Variants in ADK observed in about 807,000 individuals in gnomAD.
ADK encodes adenosine kinase, also known as N6,N6-dimethyladenosine kinase.
ADK carries 24 observed loss-of-function variants against 44.7 expected under a neutral mutation model. The observed-to-expected ratio is 0.54, with a 90% CI of 0.39 to 0.76. ADK has a LOEUF of 0.76. Ranked by LOEUF, ADK falls within the 30% of genes least tolerant of loss-of-function variation. The probability of loss-of-function intolerance (pLI) is 0.00; values close to 1 mark genes in which losing one functional copy is unlikely to be tolerated. For synonymous variants in ADK, 128 were observed against 142.6 expected (o/e 0.90, Z 0.73); for missense variants, 321 against 425.1 (o/e 0.76, Z 2.15).
intron 9 of ADK, among the ~76,000 whole-genome samples, chr10:74,619,596 T>C (rs1852908877): frequency 6.6e-6 from 1 of 152,198 alleles, no homozygotes; most frequent in Non-Finnish European, 1.5e-5. Context: ...ATATTAATCA[T>C]AGTAGTAATA....
chr10:74,443,624 A>G (rs979373304), intron 6 of ADK, among the ~76,000 whole-genome samples: 2 of 152,150 alleles, frequency 1.3e-5, no homozygotes, highest in Admixed American at 6.5e-5. Flanking sequence ...GACTGTGGTG[A>G]TGGTTACACA....
Position 74,658,885 on chromosome 10 carries a change from C to T in ADK, c.878-11298C>T, listed in dbSNP as rs533897975. ...AAACCTCGTTAATTCATTATACACA[C>T]ACACACACACACATATATACACGTG... is the stretch of plus-strand genomic sequence containing the variant. On this transcript the variant is annotated intron_variant, in intron 9 of 10. Coordinates refer to ENST00000539909, the MANE Select transcript of ADK (RefSeq NM_006721.4). 5.3e-5 allele frequency among the ~76,000 whole-genome samples: 8 copies of T among 152,152 alleles called. No homozygotes were observed. The South Asian group carries it at 1.7e-3, about 32-fold the overall frequency.
At chr10:74,512,978 A>G (rs1848406134) in intron 6 of ADK, among the ~76,000 whole-genome samples, 1 of 151,988 alleles carries the variant, frequency 6.6e-6, no homozygotes, top group Non-Finnish European at 1.5e-5. Flanking sequence ...CTTTGTGTCA[A>G]AGAATTTTTA....
chr10:74,300,084 A>G (rs1592008631), intron 3 of ADK, among the ~76,000 whole-genome samples: 2 of 144,250 alleles, frequency 1.4e-5, no homozygotes, highest in Non-Finnish European at 1.5e-5. Flanking sequence ...GGATCTTGCT[A>G]TGTTCTCCAG....
At chr10:74,564,038 C>T (rs1162659303) in intron 7 of ADK, among the ~76,000 whole-genome samples, 6 of 133,344 alleles carry the variant, frequency 4.5e-5, no homozygotes, top group East Asian at 2.7e-4. Flanking sequence ...TGCTATCCCT[C>T]CCCCCTCCCC....
At chr10:74,298,758 AAAAAAC>A (rs1182413511) in intron 3 of ADK, among the ~76,000 whole-genome samples, 4 of 87,332 alleles carry the variant, frequency 4.6e-5, no homozygotes, top group Admixed American at 1.2e-4. Flanking sequence ...AAACCCCCCA[AAAAAAC>A]AAAAACAAAA....
intron 6 of ADK, among the ~76,000 whole-genome samples, chr10:74,446,653 C>T (rs1380085093): frequency 1.3e-5 from 2 of 152,010 alleles, no homozygotes; most frequent in Non-Finnish European, 2.9e-5. Context: ...GCTAATAATT[C>T]CCATGTACAT....
chr10:74,274,957 C>T (rs902505677), intron 3 of ADK, among the ~76,000 whole-genome samples: 2 of 150,674 alleles, frequency 1.3e-5, no homozygotes, highest in Admixed American at 1.3e-4. Context: ...TATACACCCC[C>T]TTTTTTTTAT....
At chr10:74,670,017 A>T (rs1380485658) in intron 9 of ADK, among the ~76,000 whole-genome samples, 166 bp from the exon 10 acceptor site, 1 of 152,190 alleles carries the variant, frequency 6.6e-6, no homozygotes, top group Non-Finnish European at 1.5e-5. Flanking sequence ...TTACTTGCAG[A>T]TGATTTTGCA....
At chr10:74,202,592 G>A (rs1843435238) in intron 2 of ADK, among the ~76,000 whole-genome samples, 1 of 152,198 alleles carries the variant, frequency 6.6e-6, no homozygotes, top group South Asian at 2.1e-4. Flanking sequence ...CAGTGCATAA[G>A]TGTTCCAGTT....
intron 6 of ADK, among the ~76,000 whole-genome samples, chr10:74,480,468 G>A (rs1847027884): frequency 6.6e-6 from 1 of 151,850 alleles, no homozygotes; most frequent in South Asian, 2.1e-4. Context: ...TGTAGAGACA[G>A]GGATCCTGCT....
chr10:74,329,644 A>C (rs1477349154), intron 4 of ADK, among the ~76,000 whole-genome samples: 1 of 152,192 alleles, frequency 6.6e-6, no homozygotes, highest in East Asian at 1.9e-4. Flanking sequence ...TGGTTTTAGA[A>C]CGAGTAGCTG....
intron 9 of ADK, among the ~76,000 whole-genome samples, chr10:74,625,788 G>A (rs957767440): frequency 7.2e-5 from 11 of 151,882 alleles, no homozygotes; most frequent in East Asian, 1.9e-4. Flanking sequence ...GTTTAAAGAC[G>A]GTAAATAAAG....
At chr10:74,232,918 C>CT (rs761707423) in intron 3 of ADK, among the ~76,000 whole-genome samples, 4 of 152,196 alleles carry the variant, frequency 2.6e-5, no homozygotes, top group Non-Finnish European at 5.9e-5. Context: ...GCCACCGCGT[C>CT]TGGCCTATAA....
intron 9 of ADK, among the ~76,000 whole-genome samples, chr10:74,628,747 C>G (rs1185611777): frequency 6.6e-6 from 1 of 151,994 alleles, no homozygotes; most frequent in Non-Finnish European, 1.5e-5. Context: ...TTGGAGAAGT[C>G]TATTCTTATG....
At chr10:74,374,933 G>A (rs764468896) in intron 4 of ADK, among the ~76,000 whole-genome samples, 15 of 151,788 alleles carry the variant, frequency 9.9e-5, no homozygotes, top group East Asian at 3.9e-4. Flanking sequence ...AACACTCCTC[G>A]TATGTTGTTT....
intron 4 of ADK, among the ~76,000 whole-genome samples, chr10:74,320,112 CCTGAAGGACT>C (rs1307005055): frequency 6.6e-6 from 1 of 152,152 alleles, no homozygotes; most frequent in Admixed American, 6.5e-5. Flanking sequence ...TTCATTTCAG[CCTGAAGGACT>C]CTCTTTAGCA....
chr10:74,596,470 C>T (rs1420102653), intron 8 of ADK, among the ~76,000 whole-genome samples: 1 of 152,138 alleles, frequency 6.6e-6, no homozygotes, highest in East Asian at 1.9e-4. Context: ...CTCACTGCAA[C>T]CTCTGCCTGC....
chr10:74,211,919 A>G (rs1843826526), intron 2 of ADK, among the ~76,000 whole-genome samples: 1 of 152,172 alleles, frequency 6.6e-6, no homozygotes, highest in Non-Finnish European at 1.5e-5. Context: ...TCTACAACAT[A>G]TTCTAGATTA....
Sources: gnomAD v4.1 joint callset for allele counts (sites outside exome capture counted in the v4.1 genomes callset) on GRCh38, gnomAD v4.1.1 for gene constraint, MANE v1.5 for transcripts, NCBI Gene and HGNC (gene_info 2026-07-23, HGNC 2026-07-21) for gene names.